ARL8B: variants seen among roughly 807,000 people sequenced by gnomAD.
ARL8B encodes ADP-ribosylation factor-like protein 8B.
A neutral mutation model predicts 30.6 loss-of-function variants in ARL8B; 9 were observed. The ratio of observed to expected loss-of-function variants is 0.29; its 90% CI spans 0.18 to 0.51. The LOEUF (loss-of-function observed/expected upper bound fraction) is 0.51. ARL8B is among the 20% of genes least tolerant of loss of function. The pLI, the probability that ARL8B is intolerant of heterozygous loss-of-function variation, is 0.97. For missense variants in ARL8B, 130 were observed against 227.2 expected, an observed-to-expected ratio of 0.57 and a Z score of 2.75; for synonymous variants, 74 against 76.0, an observed-to-expected ratio of 0.97 and a Z score of 0.14.
intron 1 of ARL8B, among the ~76,000 whole-genome samples, chr3:5,154,572 C>T (rs1449169030): frequency 6.6e-6 from 1 of 151,960 alleles, no homozygotes; most frequent in Non-Finnish European, 1.5e-5. Flanking sequence ...TTTAAGTGTT[C>T]AGTGATGTTA....
intron 4 of ARL8B, among the ~76,000 whole-genome samples, chr3:5,173,708 C>T (rs1208525746): frequency 6.8e-6 from 1 of 147,904 alleles, no homozygotes; most frequent in Non-Finnish European, 1.5e-5. Context: ...GAGCGAGACT[C>T]TGTCTCAAAC....
In ARL8B at chr3:5,172,715, A is replaced by G. The variant is rs753603213; in HGVS notation, c.347A>G (p.Asp116Gly). 4 of 1,610,184 alleles carry G rather than the reference A, an allele frequency of 2.5e-6. No individual in the cohort carries two copies. In the Admixed American group the frequency reaches 6.7e-5, roughly 27 times the overall value. Residue 116 changes from aspartate to glycine, a missense_variant, in exon 4 of 7, where the codon GAT becomes GGT. Transcript: ENST00000256496. ...ASRNELHNLL[D>G]KPQLQGIPVL... ...CGAAATGAGCTACATAATCTTCTAG[A>G]TAAACCACAGTTACAAGGAATTCCA...
chr3:5,166,063 C>T lies in ARL8B; in HGVS notation c.124-4440C>T, dbSNP rs147479767. On this transcript the variant is annotated intron_variant, in intron 1 of 6. Transcript: ENST00000256496. Reference sequence around the variant, plus strand: ...ATATCTTTTTTTTTTTTTTTTGAGACGGAGTCTTGCTTTATCACCAGACTG... The same window carrying T: ...ATATCTTTTTTTTTTTTTTTTGAGATGGAGTCTTGCTTTATCACCAGACTG... Among the ~76,000 whole-genome samples, 1,006 of 144,930 alleles carry T rather than the reference C, an allele frequency of 6.9e-3. 8 individuals are homozygous for T. The highest frequency in any genetic ancestry group is 0.025 in the African/African-American group (990 of 39,248).
intron 1 of ARL8B, among the ~76,000 whole-genome samples, chr3:5,163,365 A>G (rs1254021843): frequency 2.6e-5 from 4 of 152,062 alleles, no homozygotes; most frequent in East Asian, 3.8e-4. Flanking sequence ...TTTAACATGT[A>G]CTTTTTAACT....
chr3:5,178,586 G>C (rs1246541233), intron 6 of ARL8B, 78 bp from the exon 7 acceptor site: 3 of 1,423,180 alleles, frequency 2.1e-6, no homozygotes, highest in Non-Finnish European at 2.9e-6. Flanking sequence ...CCTTGAATTA[G>C]CTGCCTTTTA....
Position 5,178,768 on chromosome 3 carries a change from C to G in ARL8B, c.*55C>G. On this transcript the variant is annotated 3_prime_UTR_variant, in exon 7 of 7. Coordinates refer to ENST00000256496, the MANE Select transcript of ARL8B (RefSeq NM_018184.3). ...TGGCTATAATCCTAGAATTATTGTC[C>G]GTTCCTCTGAAGTAATTCCCAGAAT... The G allele has an allele frequency of 6.2e-7, 1 of 1,608,320 alleles. No homozygotes were observed. The highest frequency in any genetic ancestry group is 1.3e-5 in the African/African-American group (1 of 74,884).
chr3:5,122,669 C>T, intron 1 of ARL8B, 81 bp downstream of exon 1: 4 of 1,464,254 alleles, frequency 2.7e-6, no homozygotes, highest in South Asian at 1.4e-5. Context: ...TGAGTTGGGG[C>T]CCCCCTCGGC....
intron 1 of ARL8B, among the ~76,000 whole-genome samples, chr3:5,144,232 A>G (rs1193693890): frequency 6.6e-6 from 1 of 152,208 alleles, no homozygotes; most frequent in Non-Finnish European, 1.5e-5. Context: ...GGGAGTGGAA[A>G]GACTTCCACC....
At chr3:5,177,999 C>A (rs918016443) in intron 6 of ARL8B, among the ~76,000 whole-genome samples, 2 of 152,180 alleles carry the variant, frequency 1.3e-5, no homozygotes, top group Non-Finnish European at 2.9e-5. Context: ...AGTGAATTTA[C>A]CCTCATCTTT....
In ARL8B at chr3:5,122,431, C is replaced by G. The variant is rs1193346854; in HGVS notation, c.-35C>G. ...GAAGTCGTCGACGCCGCCGCTCGTC[C>G]GTCCTCCCGTCCGTTCTCGCTCCCG... On this transcript the variant is annotated 5_prime_UTR_variant, in exon 1 of 7. Transcript: ENST00000256496. 6.8e-6 allele frequency: 11 copies of G among 1,610,556 alleles called. No homozygotes were observed. The highest frequency in any genetic ancestry group is 2.2e-5 in the East Asian group (1 of 44,814).
chr3:5,160,538 G>T (rs778933564), intron 1 of ARL8B, among the ~76,000 whole-genome samples: 5 of 152,190 alleles, frequency 3.3e-5, no homozygotes, highest in Non-Finnish European at 7.3e-5. Flanking sequence ...CTCTAGGGTT[G>T]TCTTTGTAAA....
intron 1 of ARL8B, among the ~76,000 whole-genome samples, chr3:5,143,433 C>T (rs536423681): frequency 2.4e-4 from 37 of 152,312 alleles, no homozygotes; most frequent in Non-Finnish European, 4.3e-4. Flanking sequence ...ATAGAGCCAA[C>T]GTGCAATCCA....
chr3:5,153,221 G>A (rs2054501094), intron 1 of ARL8B, among the ~76,000 whole-genome samples: 1 of 152,122 alleles, frequency 6.6e-6, no homozygotes, highest in Admixed American at 6.5e-5. Flanking sequence ...ATACTGATAG[G>A]ACTTGGCAGT....
intron 1 of ARL8B, among the ~76,000 whole-genome samples, chr3:5,123,734 G>C (rs11923282): frequency 6.6e-6 from 1 of 152,154 alleles, no homozygotes; most frequent in Non-Finnish European, 1.5e-5. Flanking sequence ...GTGATTCTTA[G>C]TCCTTGCACT....
intron 1 of ARL8B, among the ~76,000 whole-genome samples, chr3:5,156,225 T>C (rs2054532119): frequency 1.3e-5 from 2 of 152,118 alleles, no homozygotes; most frequent in Non-Finnish European, 2.9e-5. Context: ...TTACTGGTCT[T>C]CCTCAGGGTC....
At chr3:5,124,958 T>C (rs752359361) in intron 1 of ARL8B, among the ~76,000 whole-genome samples, 4 of 152,182 alleles carry the variant, frequency 2.6e-5, no homozygotes, top group Non-Finnish European at 4.4e-5. Context: ...TGCAGTTGAG[T>C]TGTTATGCTT....
At chr3:5,163,430 T>A (rs1403509813) in intron 1 of ARL8B, among the ~76,000 whole-genome samples, 2 of 152,174 alleles carry the variant, frequency 1.3e-5, no homozygotes, top group Admixed American at 6.5e-5. Flanking sequence ...CAAATTTGCA[T>A]ATAAAACAGA....
At chr3:5,134,243 C>T (rs993618528) in intron 1 of ARL8B, among the ~76,000 whole-genome samples, 2 of 152,162 alleles carry the variant, frequency 1.3e-5, no homozygotes, top group African/African-American at 4.8e-5. Flanking sequence ...GTTTCGGACA[C>T]AAGGACTAGG....
intron 6 of ARL8B, among the ~76,000 whole-genome samples, chr3:5,176,207 C>T (rs1575576626): frequency 6.6e-6 from 1 of 152,004 alleles, no homozygotes; most frequent in East Asian, 1.9e-4. Context: ...ACTCACCTTC[C>T]ACCCCGCCTG....
Sources: gnomAD v4.1 joint callset for allele counts (sites outside exome capture counted in the v4.1 genomes callset) on GRCh38, gnomAD v4.1.1 for gene constraint, MANE v1.5 for transcripts, NCBI Gene and HGNC (gene_info 2026-07-23, HGNC 2026-07-21) for gene names.